RPH3A: variants seen among roughly 807,000 people sequenced by gnomAD.
The protein encoded by RPH3A is rabphilin 3A, also known as rabphilin-3A.
In RPH3A, 48 loss-of-function variants were observed where a neutral mutation model predicts 102.2. The ratio of observed to expected loss-of-function variants is 0.47; its 90% CI spans 0.37 to 0.60. RPH3A has a LOEUF of 0.60. Among genes scored for constraint, RPH3A ranks in the 20% least tolerant of loss-of-function variants. RPH3A has a pLI of 0.00. For missense variants in RPH3A, 781 were observed against 910.1 expected (o/e 0.86, Z 1.83); for synonymous variants, 310 against 324.3 (o/e 0.96, Z 0.47).
chr12:112,749,166 G>A (rs1216581445), intron 1 of RPH3A, among the ~76,000 whole-genome samples: 2 of 152,214 alleles, frequency 1.3e-5, no homozygotes, highest in Admixed American at 1.3e-4. Context: ...AGAGAGTGAT[G>A]TGTTGTCAAG....
intron 1 of RPH3A, among the ~76,000 whole-genome samples, chr12:112,618,195 G>GA (rs1411760703): frequency 1.3e-5 from 2 of 152,148 alleles, no homozygotes; most frequent in Non-Finnish European, 2.9e-5. Flanking sequence ...TCTTAGAGGA[G>GA]GCAGAGGAAG....
chr12:112,790,027 C>T (rs937159890), upstream of RPH3A, among the ~76,000 whole-genome samples: 5 of 152,054 alleles, frequency 3.3e-5, no homozygotes, highest in African/African-American at 1.2e-4. Context: ...CCACTGCGCT[C>T]CAGCTTGGGT....
intron 2 of RPH3A, among the ~76,000 whole-genome samples, chr12:112,798,931 C>T (rs1039958462): frequency 1.3e-5 from 2 of 152,094 alleles, no homozygotes; most frequent in Admixed American, 6.6e-5. Context: ...AACTCCTCTG[C>T]CTTCCTCATC....
intron 1 of RPH3A, among the ~76,000 whole-genome samples, chr12:112,701,522 AG>A (rs2040394264): frequency 6.6e-6 from 1 of 152,260 alleles, no homozygotes; most frequent in South Asian, 2.1e-4. Context: ...ATCCTATGAC[AG>A]AAGGCACTGC....
At chr12:112,647,476 T>C (rs1276197700) in intron 1 of RPH3A, among the ~76,000 whole-genome samples, 2 of 152,166 alleles carry the variant, frequency 1.3e-5, no homozygotes, top group Non-Finnish European at 2.9e-5. Flanking sequence ...CAGTAGTGAA[T>C]AAAACAGAGA....
chr12:112,724,812 T>C (rs1463676779), intron 1 of RPH3A, among the ~76,000 whole-genome samples: 2 of 151,710 alleles, frequency 1.3e-5, no homozygotes, highest in Non-Finnish European at 2.9e-5. Context: ...CTACTAAAAA[T>C]ACAAAAATTA....
At chr12:112,732,095 C>T (rs1398730762) in intron 1 of RPH3A, among the ~76,000 whole-genome samples, 2 of 152,156 alleles carry the variant, frequency 1.3e-5, no homozygotes, top group Admixed American at 6.5e-5. Context: ...ATGATCTAAT[C>T]GCAAACAAGC....
intron 1 of RPH3A, among the ~76,000 whole-genome samples, chr12:112,761,223 A>T (rs766753424): frequency 1.3e-5 from 2 of 152,212 alleles, no homozygotes; most frequent in African/African-American, 4.8e-5. Flanking sequence ...TGGGTGCTCA[A>T]GAAGGCTTAT....
intron 20 of RPH3A, 154 bp from the exon 21 acceptor site, chr12:112,895,623 G>A: frequency 1.7e-6 from 1 of 581,988 alleles, no homozygotes; most frequent in South Asian, 2.1e-5. Flanking sequence ...ACGGGACCTG[G>A]GGCAGAGGAT....
At chr12:112,586,206 A>G (rs1174546002) in intron 1 of RPH3A, among the ~76,000 whole-genome samples, 4 of 152,192 alleles carry the variant, frequency 2.6e-5, no homozygotes, top group Non-Finnish European at 5.9e-5. Context: ...TAAAGCCACT[A>G]TTTATTTATT....
At chr12:112,632,249 C>T (rs2039812607) in intron 1 of RPH3A, among the ~76,000 whole-genome samples, 2 of 152,144 alleles carry the variant, frequency 1.3e-5, no homozygotes, top group Non-Finnish European at 2.9e-5. Flanking sequence ...ACCTCTCTTT[C>T]TTTTGTTAAT....
chr12:112,827,725 A>G (rs2041902740), intron 2 of RPH3A, among the ~76,000 whole-genome samples: 1 of 152,118 alleles, frequency 6.6e-6, no homozygotes, highest in Admixed American at 6.5e-5. Context: ...AGGAAAGGGA[A>G]CATCACACAC....
intron 1 of RPH3A, among the ~76,000 whole-genome samples, chr12:112,707,898 G>A (rs890891551): frequency 6.6e-6 from 1 of 152,240 alleles, no homozygotes; most frequent in Admixed American, 6.5e-5. Flanking sequence ...GCCAAGTGAG[G>A]AGATAGGAGG....
chr12:112,844,781 T>C (rs560166758), intron 4 of RPH3A, among the ~76,000 whole-genome samples: 44 of 152,310 alleles, frequency 2.9e-4, no homozygotes, highest in Admixed American at 5.9e-4. Context: ...ATAGAAACCA[T>C]TGATTATTCC....
intron 1 of RPH3A, among the ~76,000 whole-genome samples, chr12:112,628,360 G>T (rs1036874160): frequency 3.3e-5 from 5 of 151,754 alleles, no homozygotes; most frequent in Admixed American, 6.6e-5. Context: ...TAAGGAGAGG[G>T]GAGAGTAATG....
At chr12:112,627,294 A>C (rs954970314) in intron 1 of RPH3A, among the ~76,000 whole-genome samples, 13 of 150,720 alleles carry the variant, frequency 8.6e-5, no homozygotes, top group Admixed American at 8.6e-4. Flanking sequence ...ATTGTAATAC[A>C]ACATATACTA....
chr12:112,877,915 T>C (rs2042836142), intron 13 of RPH3A, among the ~76,000 whole-genome samples: 1 of 152,222 alleles, frequency 6.6e-6, no homozygotes, highest in Admixed American at 6.5e-5. Context: ...CTATTTAATC[T>C]TCCCTACGAA....
At chr12:112,589,889 C>A (rs1208200372) in intron 1 of RPH3A, among the ~76,000 whole-genome samples, 4 of 152,156 alleles carry the variant, frequency 2.6e-5, no homozygotes, top group Non-Finnish European at 4.4e-5. Context: ...TCAAGACCAG[C>A]TTGGCCAACG....
intron 1 of RPH3A, among the ~76,000 whole-genome samples, chr12:112,596,919 T>C (rs1240204058): frequency 1.3e-5 from 2 of 152,222 alleles, no homozygotes; most frequent in African/African-American, 2.4e-5. Flanking sequence ...AGTGTAGAGG[T>C]CTTGCTCGTC....
Sources: gnomAD v4.1 joint callset for allele counts (sites outside exome capture counted in the v4.1 genomes callset) on GRCh38, gnomAD v4.1.1 for gene constraint, MANE v1.5 for transcripts, NCBI Gene and HGNC (gene_info 2026-07-23, HGNC 2026-07-21) for gene names.